CHLSN: variants seen among roughly 807,000 people sequenced by gnomAD.
CHLSN encodes protein cholesin.
chr7:1,058,593 C>T, the CHLSN span: 3 of 664,974 alleles, frequency 4.5e-6, no homozygotes, highest in South Asian at 5.3e-5. Flanking sequence ...TCCCCACATC[C>T]TTCCAGAAGG....
At chr7:986,888 C>A in the CHLSN span, 1 of 1,384,614 alleles carries the variant, frequency 7.2e-7, no homozygotes, top group Non-Finnish European at 9.5e-7. Flanking sequence ...CCATACCGGT[C>A]CTGCACCAAG....
chr7:1,039,035 G>A, the CHLSN span, among the ~76,000 whole-genome samples: 1 of 77,288 alleles, frequency 1.3e-5, no homozygotes, highest in Non-Finnish European at 2.8e-5. Flanking sequence ...CGCCCGGCCA[G>A]CCGCCCCGTC....
chr7:1,104,455 GAGAGGCCGGT>G, the CHLSN span, among the ~76,000 whole-genome samples: 2 of 152,200 alleles, frequency 1.3e-5, no homozygotes, highest in African/African-American at 2.4e-5. Flanking sequence ...TCAGACACCT[GAGAGGCCGGT>G]GGCTCCAAGG....
At chr7:980,438 A>AC in the CHLSN span, among the ~76,000 whole-genome samples, 119 of 152,368 alleles carry the variant, frequency 7.8e-4, 1 homozygote, top group South Asian at 2.7e-3. Context: ...GGTCCACCGG[A>AC]CATCAGAAAG....
At chr7:1,013,994 G>A in the CHLSN span, among the ~76,000 whole-genome samples, 5 of 152,324 alleles carry the variant, frequency 3.3e-5, no homozygotes, top group South Asian at 6.2e-4. Flanking sequence ...CTGCGACCCC[G>A]AGGACTGGGA....
At chr7:1,070,416 C>T in the CHLSN span, among the ~76,000 whole-genome samples, 4 of 147,132 alleles carry the variant, frequency 2.7e-5, 1 homozygote, top group Admixed American at 6.7e-5. Context: ...CGCCTCTGCC[C>T]GGCCGCCCCT....
the CHLSN span, chr7:1,021,624 C>T: frequency 9.4e-6 from 9 of 959,062 alleles, no homozygotes; most frequent in Admixed American, 5.5e-4. Context: ...TCTGCCAGCC[C>T]CAGTGTGACT....
the CHLSN span, among the ~76,000 whole-genome samples, chr7:1,132,694 TAAAA>T: frequency 9.3e-6 from 1 of 107,008 alleles, no homozygotes; most frequent in Non-Finnish European, 1.8e-5. Context: ...AACCTGTCTT[TAAAA>T]AAAAAAAAAA....
the CHLSN span, chr7:1,056,862 G>C: frequency 6.6e-6 from 1 of 151,630 alleles, no homozygotes; most frequent in Non-Finnish European, 1.5e-5. Context: ...TGCTTTGGCG[G>C]GGTGGGGGGG....
At chr7:1,136,433 CATATATAT>C in the CHLSN span, among the ~76,000 whole-genome samples, 1 of 100,038 alleles carries the variant, frequency 1.0e-5, no homozygotes, top group African/African-American at 5.3e-5. Context: ...TATATATAAA[CATATATAT>C]AAATATATAT....
the CHLSN span, among the ~76,000 whole-genome samples, chr7:1,135,535 G>A: frequency 5.4e-4 from 81 of 151,350 alleles, no homozygotes; most frequent in African/African-American, 1.9e-3. Flanking sequence ...GGGAGGCCGA[G>A]GCGGGGAGAT....
At chr7:1,016,845 G>A in the CHLSN span, among the ~76,000 whole-genome samples, 1 of 87,630 alleles carries the variant, frequency 1.1e-5, no homozygotes, top group Non-Finnish European at 2.3e-5. Context: ...GCGCACGCCA[G>A]CACACAGCAG....
chr7:1,111,935 C>T, the CHLSN span, among the ~76,000 whole-genome samples: 2 of 152,164 alleles, frequency 1.3e-5, no homozygotes, highest in Admixed American at 1.3e-4. Context: ...TTAACCACGG[C>T]GTCATTTCAC....
the CHLSN span, among the ~76,000 whole-genome samples, chr7:1,014,899 G>A: frequency 6.6e-6 from 1 of 152,228 alleles, no homozygotes; most frequent in Non-Finnish European, 1.5e-5. Context: ...GCCCCTTCCT[G>A]CCTGCGGGCC....
the CHLSN span, among the ~76,000 whole-genome samples, chr7:996,435 C>T: frequency 1.3e-5 from 2 of 152,208 alleles, no homozygotes; most frequent in African/African-American, 4.8e-5. Context: ...TACTTTTCTG[C>T]TCCACCGTCA....
the CHLSN span, among the ~76,000 whole-genome samples, chr7:1,031,274 A>G: frequency 3.9e-5 from 6 of 152,244 alleles, no homozygotes; most frequent in Non-Finnish European, 8.8e-5. Flanking sequence ...AGAAAAGTTA[A>G]GGGTAGGCTG....
chr7:1,099,727 T>C, the CHLSN span, among the ~76,000 whole-genome samples: 1 of 152,262 alleles, frequency 6.6e-6, no homozygotes, highest in South Asian at 2.1e-4. Flanking sequence ...TCAGGCTGCC[T>C]GGGCGTTGCC....
At chr7:1,064,884 AGG>A in the CHLSN span, among the ~76,000 whole-genome samples, 1 of 152,262 alleles carries the variant, frequency 6.6e-6, no homozygotes, top group South Asian at 2.1e-4. Flanking sequence ...CCCAGGAGGG[AGG>A]GTGGGAAACG....
chr7:1,099,979 G>A, the CHLSN span, among the ~76,000 whole-genome samples: 1 of 152,188 alleles, frequency 6.6e-6, no homozygotes, highest in Non-Finnish European at 1.5e-5. Context: ...TCTGAGCTAT[G>A]GAACCTGGGT....
Sources: allele counts gnomAD v4.1 joint callset (sites outside exome capture counted in the v4.1 genomes callset), GRCh38; gene constraint gnomAD v4.1.1; transcripts MANE v1.5; gene names NCBI Gene and HGNC (gene_info 2026-07-23, HGNC 2026-07-21).